UBAP2: variants seen among roughly 807,000 people sequenced by gnomAD.
UBAP2 encodes ubiquitin associated protein 2.
A neutral mutation model predicts 139.6 loss-of-function variants in UBAP2; 75 were observed. The observed-to-expected ratio is 0.54, with a 90% CI of 0.45 to 0.65. UBAP2 has a LOEUF of 0.65. Ranked by LOEUF, UBAP2 falls within the 30% of genes least tolerant of loss-of-function variation. The probability of loss-of-function intolerance (pLI) is 0.00; values close to 1 mark genes in which losing one functional copy is unlikely to be tolerated. For missense variants in UBAP2, 1,368 were observed against 1,369.6 expected (o/e 1.00, Z 0.02); for synonymous variants, 526 against 526.2 (o/e 1.00, Z 0.01).
intron 22 of UBAP2, among the ~76,000 whole-genome samples, chr9:33,925,999 A>G (rs971224751): frequency 6.6e-6 from 1 of 152,210 alleles, no homozygotes; most frequent in Non-Finnish European, 1.5e-5. Context: ...ATCCCAGGAA[A>G]GGCCCACACT....
intron 7 of UBAP2, among the ~76,000 whole-genome samples, chr9:33,972,129 A>G (rs112746225): frequency 1.3e-5 from 2 of 152,360 alleles, no homozygotes; most frequent in African/African-American, 4.8e-5. Flanking sequence ...CCCAAGTCAG[A>G]ATCCAAGTTT....
upstream of UBAP2, among the ~76,000 whole-genome samples, chr9:34,049,136 G>C (rs1827893671): frequency 6.6e-6 from 1 of 152,242 alleles, no homozygotes; most frequent in Admixed American, 6.5e-5. Context: ...GTCATCAGGA[G>C]AGTATTACCC....
chr9:34,024,770 G>A (rs931483063), intron 1 of UBAP2, among the ~76,000 whole-genome samples: 7 of 152,082 alleles, frequency 4.6e-5, no homozygotes, highest in Non-Finnish European at 8.8e-5. Flanking sequence ...GATCACTTGC[G>A]GTCAGGAGTT....
At chr9:33,951,218 A>G (rs1199332941) in intron 12 of UBAP2, among the ~76,000 whole-genome samples, 3 of 150,456 alleles carry the variant, frequency 2.0e-5, no homozygotes, top group African/African-American at 4.9e-5. Context: ...AGGCCTCGCT[A>G]TGTTGCCAGA....
chr9:34,005,970 C>T (rs1823173630), intron 2 of UBAP2, among the ~76,000 whole-genome samples: 1 of 152,100 alleles, frequency 6.6e-6, no homozygotes, highest in Non-Finnish European at 1.5e-5. Context: ...GTGGCTCATG[C>T]CTATAATCCC....
At chr9:34,045,227 TCCCAGG>T (rs1659598102) in intron 1 of UBAP2, among the ~76,000 whole-genome samples, 1 of 149,952 alleles carries the variant, frequency 6.7e-6, no homozygotes, top group African/African-American at 2.5e-5. Context: ...GCGCCAGTAG[TCCCAGG>T]TACTCGGGAG....
In UBAP2 at chr9:33,922,570, G is replaced by C; in HGVS notation, c.3294C>G (p.Ser1098Arg). ...QSGSGQRSQPSSLQPKSQASK... is the reference protein window; with the variant it reads ...QSGSGQRSQPRSLQPKSQASK... ...AGGCTTGAGACTTGGGCTGCAGGGA[G>C]CTGGGCTGGCTGCGCTGACCCGAGC... The change falls in exon 29 of 29, where the codon AGC (serine) becomes AGG (arginine). Residue 1098 changes from serine (S) to arginine (R), a missense_variant. Transcript: ENST00000379238. 1 of 1,613,688 alleles carries C rather than the reference G, an allele frequency of 6.2e-7. No individual in the cohort carries two copies. The highest frequency in any genetic ancestry group is 8.5e-7 in the Non-Finnish European group (1 of 1,179,906).
At chr9:34,041,231 T>A (rs1208192130) in intron 1 of UBAP2, among the ~76,000 whole-genome samples, 1 of 150,682 alleles carries the variant, frequency 6.6e-6, no homozygotes, top group Non-Finnish European at 1.5e-5. Flanking sequence ...GGTGGGCAGA[T>A]CGCTGGAGGT....
chr9:33,981,064 CATATATATATATATAT>C (rs552165278), intron 6 of UBAP2, among the ~76,000 whole-genome samples: 79 of 5,278 alleles, frequency 0.015, 15 homozygotes, highest in African/African-American at 0.034. Flanking sequence ...TTATTTACTT[CATATATATATATATAT>C]ATATATATAT....
At chr9:33,999,571 G>T (rs1822509882) in intron 2 of UBAP2, among the ~76,000 whole-genome samples, 1 of 151,932 alleles carries the variant, frequency 6.6e-6, no homozygotes, top group South Asian at 2.1e-4. Context: ...CAATAATTTT[G>T]TTTTTCTAAG....
At chr9:33,963,519 A>G (rs1045659670) in intron 9 of UBAP2, among the ~76,000 whole-genome samples, 1 of 152,212 alleles carries the variant, frequency 6.6e-6, no homozygotes, top group African/African-American at 2.4e-5. Flanking sequence ...ATGGAAAATA[A>G]TGATGAAAAT....
intron 8 of UBAP2, among the ~76,000 whole-genome samples, 173 bp downstream of exon 8, chr9:33,971,478 G>A (rs1827910735): frequency 6.6e-6 from 1 of 152,210 alleles, no homozygotes; most frequent in Non-Finnish European, 1.5e-5. Context: ...AGATTTGTAT[G>A]TGACAGACTT....
At chr9:33,930,269 G>A (rs1043482929) in intron 19 of UBAP2, among the ~76,000 whole-genome samples, 1 of 151,988 alleles carries the variant, frequency 6.6e-6, no homozygotes, top group Non-Finnish European at 1.5e-5. Context: ...CTGCAAATGT[G>A]TATAAAATCA....
intron 2 of UBAP2, among the ~76,000 whole-genome samples, chr9:34,008,620 GC>G (rs1823449277): frequency 1.6e-5 from 1 of 62,704 alleles, no homozygotes; most frequent in Non-Finnish European, 3.1e-5. Flanking sequence ...TGTCTGGACT[GC>G]AAAGCGTAAG....
At chr9:33,954,507 A>G (rs531418254) in intron 11 of UBAP2, among the ~76,000 whole-genome samples, 1 of 152,256 alleles carries the variant, frequency 6.6e-6, no homozygotes, top group Non-Finnish European at 1.5e-5. Context: ...CGTATTACCT[A>G]ACCTTGTAAT....
intron 8 of UBAP2, among the ~76,000 whole-genome samples, chr9:33,964,381 AAAT>A (rs971153196): frequency 1.2e-4 from 18 of 152,236 alleles, no homozygotes; most frequent in Non-Finnish European, 2.2e-4. Context: ...CTGCTACTTT[AAAT>A]AATAAGTGGG....
At chr9:33,996,009 G>A in intron 4 of UBAP2, 1 of 467,798 alleles carries the variant, frequency 2.1e-6, no homozygotes, top group Non-Finnish European at 3.8e-6. Context: ...AGATCACCAA[G>A]TTCTCTTTCA....
intron 1 of UBAP2, among the ~76,000 whole-genome samples, chr9:34,042,514 A>AGAGT (rs1312655826): frequency 6.6e-6 from 1 of 150,774 alleles, no homozygotes. Context: ...TAGAACCTGC[A>AGAGT]GAGTGACTCA....
At chr9:33,986,701 C>T (rs894967304) in intron 6 of UBAP2, 59 bp downstream of exon 6, 1 of 1,429,066 alleles carries the variant, frequency 7.0e-7, no homozygotes, top group African/African-American at 1.4e-5. Context: ...TCCAGCAACG[C>T]AACTGCCTGC....
Sources: allele counts gnomAD v4.1 joint callset (sites outside exome capture counted in the v4.1 genomes callset), GRCh38; gene constraint gnomAD v4.1.1; transcripts MANE v1.5; gene names NCBI Gene and HGNC (gene_info 2026-07-23, HGNC 2026-07-21).